WNT7A: variants seen among roughly 807,000 people sequenced by gnomAD.
WNT7A encodes the protein Wnt family member 7A, also known as protein Wnt-7a.
In WNT7A, 16 loss-of-function variants were observed where a neutral mutation model predicts 28.2. That is an observed-to-expected ratio of 0.57 (90% CI 0.38 to 0.86). WNT7A has a LOEUF of 0.86. WNT7A is among the 40% of genes least tolerant of loss of function. The pLI, the probability that WNT7A is intolerant of heterozygous loss-of-function variation, is 0.00. For synonymous variants in WNT7A, 190 were observed against 195.9 expected (o/e 0.97, Z 0.25); for missense variants, 411 against 489.7 (o/e 0.84, Z 1.52).
At chr3:13,827,901 C>T (rs1307216586) in intron 3 of WNT7A, among the ~76,000 whole-genome samples, 1 of 152,174 alleles carries the variant, frequency 6.6e-6, no homozygotes, top group African/African-American at 2.4e-5. Flanking sequence ...AATGTGCCCC[C>T]ATTCATCTCC....
At chr3:13,875,468 CA>C (rs1043965847) in intron 1 of WNT7A, among the ~76,000 whole-genome samples, 25 of 152,118 alleles carry the variant, frequency 1.6e-4, no homozygotes, top group African/African-American at 5.5e-4. Flanking sequence ...GTAAAAAAGG[CA>C]AGTTGCCTTT....
chr3:13,863,421 T>TGTGTATAC (rs1694863998), intron 2 of WNT7A, among the ~76,000 whole-genome samples: 1 of 151,308 alleles, frequency 6.6e-6, no homozygotes, highest in African/African-American at 2.4e-5. Flanking sequence ...TATGTGTATA[T>TGTGTATAC]GTGTGTGTGT....
rs151238929 is a variant in WNT7A, at chr3:13,854,646, G to A, written c.456C>T (p.Cys152=). The A allele has an allele frequency of 2.7e-5, 43 of 1,614,062 alleles. No homozygotes were observed. The highest frequency in any genetic ancestry group is 3.4e-5 in the Non-Finnish European group (40 of 1,180,052). Residue 152 remains cysteine, a synonymous_variant, in exon 3 of 4, where the codon TGC becomes TGT. Coordinates refer to ENST00000285018, the MANE Select transcript of WNT7A (RefSeq NM_004625.4). ...HRDEGWKWGG[C]SADIRYGIGF... Reference sequence around the variant, plus strand: ...CGATGCCGTAGCGGATGTCGGCAGAGCAGCCACCCCACTTCCAGCCCTCGT... The same window carrying A: ...CGATGCCGTAGCGGATGTCGGCAGAACAGCCACCCCACTTCCAGCCCTCGT...
chr3:13,834,549 C>T (rs1034341373), intron 3 of WNT7A, among the ~76,000 whole-genome samples: 26 of 152,154 alleles, frequency 1.7e-4, no homozygotes, highest in Admixed American at 1.7e-3. Context: ...GACTTCATCT[C>T]CTATGCCCTC....
At chr3:13,842,246 C>T (rs1388368542) in intron 3 of WNT7A, among the ~76,000 whole-genome samples, 2 of 152,152 alleles carry the variant, frequency 1.3e-5, no homozygotes, top group Admixed American at 6.5e-5. Context: ...GGAAGAGACG[C>T]TGATGGATAA....
chr3:13,856,115 T>C (rs958228007), intron 2 of WNT7A, among the ~76,000 whole-genome samples: 6 of 150,068 alleles, frequency 4.0e-5, no homozygotes, highest in African/African-American at 1.5e-4. Context: ...CCTGCTGGAC[T>C]GGACAGCTTC....
Position 13,841,313 on chromosome 3 carries a change from G to A in WNT7A, c.570+13219C>T, listed in dbSNP as rs142304199. On this transcript the variant is annotated intron_variant, in intron 3 of 3. Transcript: ENST00000285018. ...TCGTCTCTAAAACGTCGCACCTAAG[G>A]CAAAGAAGACACTCTATAAATTCTT... Among the ~76,000 whole-genome samples the A allele has an allele frequency of 7.2e-5, 11 of 152,326 alleles. No homozygotes were observed. In the East Asian group the frequency reaches 2.1e-3, roughly 29 times the overall value.
At chr3:13,875,310 T>A in intron 1 of WNT7A, 137 bp from the exon 2 acceptor site, 1 of 775,726 alleles carries the variant, frequency 1.3e-6, no homozygotes, top group Non-Finnish European at 2.2e-6. Flanking sequence ...CCTGCACCCC[T>A]AACTCATGTC....
At chr3:13,862,347 T>C (rs1419834389) in intron 2 of WNT7A, among the ~76,000 whole-genome samples, 1 of 152,266 alleles carries the variant, frequency 6.6e-6, no homozygotes, top group Non-Finnish European at 1.5e-5. Context: ...TCCACCGCCC[T>C]GTGTAGCCAC....
chr3:13,876,710 C>T (rs1288254182), intron 1 of WNT7A, among the ~76,000 whole-genome samples: 2 of 150,564 alleles, frequency 1.3e-5, no homozygotes, highest in East Asian at 2.0e-4. Flanking sequence ...CCAGCCTTCT[C>T]CCTGCAGTAG....
chr3:13,868,929 A>C (rs752920316), intron 2 of WNT7A, among the ~76,000 whole-genome samples: 7 of 146,098 alleles, frequency 4.8e-5, no homozygotes, highest in Non-Finnish European at 9.0e-5. Flanking sequence ...GAAGGAAAGA[A>C]GGAAGGAAGG....
chr3:13,864,621 C>T (rs983835157), intron 2 of WNT7A, among the ~76,000 whole-genome samples: 1 of 152,196 alleles, frequency 6.6e-6, no homozygotes, highest in Non-Finnish European at 1.5e-5. Context: ...TGCACCCCAG[C>T]ATTTACTGCA....
intron 3 of WNT7A, among the ~76,000 whole-genome samples, chr3:13,822,837 T>C (rs1198695304): frequency 1.3e-5 from 2 of 152,234 alleles, no homozygotes; most frequent in African/African-American, 4.8e-5. Flanking sequence ...TGAGGGCTAC[T>C]ACCGTGGTGG....
intron 2 of WNT7A, among the ~76,000 whole-genome samples, chr3:13,864,278 C>A (rs1043255604): frequency 1.3e-5 from 2 of 152,158 alleles, no homozygotes; most frequent in Non-Finnish European, 2.9e-5. Context: ...CCCAAGCAAA[C>A]CCCCTGAGTC....
chr3:13,829,120 CT>C (rs1200533450), intron 3 of WNT7A, among the ~76,000 whole-genome samples: 1 of 152,152 alleles, frequency 6.6e-6, no homozygotes, highest in Admixed American at 6.5e-5. Flanking sequence ...AATGTGATTC[CT>C]GGAGCTTAGG....
At chr3:13,857,374 T>G (rs930170761) in intron 2 of WNT7A, among the ~76,000 whole-genome samples, 1 of 152,080 alleles carries the variant, frequency 6.6e-6, no homozygotes, top group East Asian at 1.9e-4. Flanking sequence ...TAGAGCCTCA[T>G]GGATAGATCC....
intron 3 of WNT7A, among the ~76,000 whole-genome samples, chr3:13,841,718 G>A (rs1267803948): frequency 6.6e-6 from 1 of 152,212 alleles, no homozygotes; most frequent in Non-Finnish European, 1.5e-5. Context: ...TCCCACAGGA[G>A]GCCTTCTACA....
At chr3:13,835,361 G>T (rs555569860) in intron 3 of WNT7A, among the ~76,000 whole-genome samples, 26 of 152,252 alleles carry the variant, frequency 1.7e-4, no homozygotes, top group Non-Finnish European at 3.4e-4. Flanking sequence ...GAACGGGAAA[G>T]CACGCAGAAA....
intron 3 of WNT7A, among the ~76,000 whole-genome samples, chr3:13,824,327 T>C (rs1306461750): frequency 1.3e-5 from 2 of 152,216 alleles, no homozygotes; most frequent in African/African-American, 2.4e-5. Flanking sequence ...TAGACAGATC[T>C]ATTCTATAAA....
Sources: gnomAD v4.1 joint callset for allele counts (sites outside exome capture counted in the v4.1 genomes callset) on GRCh38, gnomAD v4.1.1 for gene constraint, MANE v1.5 for transcripts, NCBI Gene and HGNC (gene_info 2026-07-23, HGNC 2026-07-21) for gene names.